Variants in MAPK10 observed in about 807,000 individuals in gnomAD.
MAPK10 encodes mitogen-activated protein kinase 10.
MAPK10 carries 25 observed loss-of-function variants against 59.3 expected under a neutral mutation model. The observed-to-expected ratio is 0.42, with a 90% confidence interval of 0.31 to 0.59. MAPK10 has a LOEUF of 0.59. Ranked by LOEUF, MAPK10 falls within the 20% of genes least tolerant of loss-of-function variation. MAPK10 has a pLI of 0.15. For synonymous variants in MAPK10, 190 were observed against 200.5 expected, an observed-to-expected ratio of 0.95 and a Z score of 0.44; for missense variants, 351 against 568.9, an observed-to-expected ratio of 0.62 and a Z score of 3.90.
chr4:86,199,436 T>C (rs2082128642), intron 2 of MAPK10, among the ~76,000 whole-genome samples: 1 of 152,080 alleles, frequency 6.6e-6, no homozygotes, highest in African/African-American at 2.4e-5. Context: ...TTAATCCATT[T>C]ATGAAATTTT....
At chr4:86,488,272 G>A (rs532620360) in intron 1 of MAPK10, among the ~76,000 whole-genome samples, 79 of 152,126 alleles carry the variant, frequency 5.2e-4, no homozygotes, top group Non-Finnish European at 9.9e-4. Flanking sequence ...TTATTCTCTC[G>A]ACACAGCTGA....
intron 1 of MAPK10, among the ~76,000 whole-genome samples, chr4:86,525,361 T>G (rs1757402165): frequency 6.6e-6 from 1 of 152,002 alleles, no homozygotes; most frequent in South Asian, 2.1e-4. Flanking sequence ...AAAATTCAAT[T>G]TAGACTAGAG....
intron 1 of MAPK10, among the ~76,000 whole-genome samples, chr4:86,406,399 ATACAACCCTT>A (rs2149022332): frequency 6.6e-6 from 1 of 152,328 alleles, no homozygotes; most frequent in Non-Finnish European, 1.5e-5. Context: ...GAACAAGAAG[ATACAACCCTT>A]TATGTTAAAT....
intron 1 of MAPK10, chr4:86,356,792 A>G (rs917261844): frequency 1.3e-5 from 2 of 152,196 alleles, no homozygotes; most frequent in African/African-American, 4.8e-5. Context: ...CAATAAATAT[A>G]TCCAATATGC....
intron 1 of MAPK10, among the ~76,000 whole-genome samples, chr4:86,493,066 A>G (rs1440667083): frequency 6.6e-6 from 1 of 152,224 alleles, no homozygotes; most frequent in Non-Finnish European, 1.5e-5. Context: ...TCAACCATTC[A>G]TAGACTGCTG....
chr4:86,558,182 T>G (rs1760411032), intron 1 of MAPK10, among the ~76,000 whole-genome samples: 1 of 152,114 alleles, frequency 6.6e-6, no homozygotes, highest in Admixed American at 6.5e-5. Context: ...GGCTGAAAAA[T>G]TAAATATAGG....
intron 1 of MAPK10, among the ~76,000 whole-genome samples, chr4:86,530,136 G>T (rs1363396179): frequency 6.7e-6 from 1 of 150,102 alleles, no homozygotes; most frequent in East Asian, 2.0e-4. Flanking sequence ...AGAATCTTCA[G>T]GGCTGTGTCC....
chr4:86,197,252 TTC>T (rs2081537627), intron 2 of MAPK10, among the ~76,000 whole-genome samples: 1 of 152,182 alleles, frequency 6.6e-6, no homozygotes, highest in African/African-American at 2.4e-5. Context: ...TGGCTCATAG[TTC>T]TCCTTGCTCT....
chr4:86,413,860 C>G (rs890862075), intron 1 of MAPK10, among the ~76,000 whole-genome samples: 1 of 152,114 alleles, frequency 6.6e-6, no homozygotes, highest in Non-Finnish European at 1.5e-5. Context: ...ATCCCCCAAC[C>G]CCTTGTGCTT....
At chr4:86,421,030 C>T (rs963751272) in intron 1 of MAPK10, among the ~76,000 whole-genome samples, 8 of 151,662 alleles carry the variant, frequency 5.3e-5, no homozygotes, top group African/African-American at 1.2e-4. Flanking sequence ...TGCAGTGAGC[C>T]GAGAGCATGC....
In MAPK10 at chr4:86,130,540, G is replaced by A. The variant is rs558685595; in HGVS notation, c.237-23188C>T. Among the ~76,000 whole-genome samples, 52 of 152,182 alleles carry A rather than the reference G, an allele frequency of 3.4e-4. 1 individual carries two copies. Among genetic ancestry groups the A allele is most frequent in the East Asian group, 5.8e-4 (3 of 5,172 alleles). On this transcript the variant is annotated intron_variant, in intron 4 of 13. Coordinates refer to ENST00000641462, the MANE Select transcript of MAPK10 (RefSeq NM_138982.4). ...TAATTGCTAGATAAATGTTCTTGAG[G>A]TGACCAAATGAAATGTGGTCTAATC...
intron 9 of MAPK10, among the ~76,000 whole-genome samples, chr4:86,072,221 G>T (rs1403030112): frequency 6.7e-6 from 1 of 150,350 alleles, no homozygotes; most frequent in South Asian, 2.1e-4. Flanking sequence ...AAGAATGCTT[G>T]TGATTTTTGT....
chr4:86,556,597 A>T (rs939599810), intron 1 of MAPK10, among the ~76,000 whole-genome samples: 1 of 152,178 alleles, frequency 6.6e-6, no homozygotes, highest in African/African-American at 2.4e-5. Flanking sequence ...TATTTCTGTC[A>T]ACTAAAAGAA....
Position 86,485,667 on chromosome 4 carries a change from A to C in MAPK10, c.-263+108243T>G, listed in dbSNP as rs1753931497. Among the ~76,000 whole-genome samples, 4 of 152,212 alleles carry C rather than the reference A, an allele frequency of 2.6e-5. 1 individual carries two copies. The South Asian group carries it at 8.3e-4, about 32-fold the overall frequency. ...GAAAGACAGTAGATGGTATAGACTG[A>C]ACTGTGCCATTGCAAAATTCATTTG... is the stretch of plus-strand genomic sequence containing the variant. On this transcript the variant is annotated intron_variant, in intron 1 of 4. Coordinates refer to the MAPK10 transcript ENST00000502302.
intron 1 of MAPK10, among the ~76,000 whole-genome samples, chr4:86,449,661 G>A (rs1258158079): frequency 6.6e-6 from 1 of 152,230 alleles, no homozygotes; most frequent in Non-Finnish European, 1.5e-5. Flanking sequence ...CTAGGAAACT[G>A]TGACTTGCTT....
chr4:86,537,128 G>A (rs1239753907), intron 1 of MAPK10, among the ~76,000 whole-genome samples: 1 of 152,222 alleles, frequency 6.6e-6, no homozygotes, highest in African/African-American at 2.4e-5. Context: ...TAGCCCTGCA[G>A]GGAATGTTGG....
chr4:86,113,330 C>T (rs1004983273), intron 4 of MAPK10, among the ~76,000 whole-genome samples: 19 of 152,116 alleles, frequency 1.2e-4, no homozygotes, highest in Admixed American at 6.6e-5. Context: ...TGTACTCCAG[C>T]GTGTTTTTGT....
At chr4:86,163,039 T>G (rs2070363893) in intron 3 of MAPK10, among the ~76,000 whole-genome samples, 1 of 152,154 alleles carries the variant, frequency 6.6e-6, no homozygotes, top group Non-Finnish European at 1.5e-5. Context: ...TCAAGTTTCT[T>G]CTTTATACCT....
At chr4:86,497,915 G>A (rs974365238) in intron 1 of MAPK10, among the ~76,000 whole-genome samples, 6 of 152,202 alleles carry the variant, frequency 3.9e-5, no homozygotes, top group African/African-American at 1.4e-4. Flanking sequence ...TGGAATCTAT[G>A]GATGGATTTT....
Sources: gnomAD v4.1 joint callset for allele counts (sites outside exome capture counted in the v4.1 genomes callset) on GRCh38, gnomAD v4.1.1 for gene constraint, MANE v1.5 for transcripts, NCBI Gene and HGNC (gene_info 2026-07-23, HGNC 2026-07-21) for gene names.